CTNNA1: variants seen among roughly 807,000 people sequenced by gnomAD.
The protein encoded by CTNNA1 is catenin alpha 1.
In CTNNA1, 37 loss-of-function variants were observed where a neutral mutation model predicts 98.4. The observed-to-expected ratio is 0.38, with a 90% CI of 0.29 to 0.49. The LOEUF is 0.49. CTNNA1 is among the 20% of genes least tolerant of loss of function. The probability of loss-of-function intolerance (pLI) is 0.95; values close to 1 mark genes in which losing one functional copy is unlikely to be tolerated. For synonymous variants in CTNNA1, 404 were observed against 413.2 expected (o/e 0.98, Z 0.27); for missense variants, 761 against 1,147.2 (o/e 0.66, Z 4.86).
intron 1 of CTNNA1, among the ~76,000 whole-genome samples, chr5:138,776,738 G>C (rs565835221): frequency 4.8e-5 from 7 of 146,118 alleles, no homozygotes; most frequent in African/African-American, 1.8e-4. Context: ...TCACTTCCCA[G>C]TAGGGGCGGC....
chr5:138,908,012 C>G (rs1419152847), intron 10 of CTNNA1, among the ~76,000 whole-genome samples: 1 of 151,784 alleles, frequency 6.6e-6, no homozygotes, highest in Non-Finnish European at 1.5e-5. Context: ...GAGTCTCGCT[C>G]TGTCACCCAG....
At chr5:138,893,544 C>G (rs1296577454) in intron 9 of CTNNA1, among the ~76,000 whole-genome samples, 1 of 151,204 alleles carries the variant, frequency 6.6e-6, no homozygotes, top group East Asian at 1.9e-4. Context: ...AATAAAATAT[C>G]TTTTCTCCTT....
chr5:138,933,676 C>T (rs1765931035), intron 17 of CTNNA1, 126 bp from the exon 18 acceptor site: 1 of 964,032 alleles, frequency 1.0e-6, no homozygotes, highest in African/African-American at 1.7e-5. Context: ...CTGCCCAATC[C>T]TCTGCGACCT....
At chr5:138,772,980 T>C (rs559789265) in intron 1 of CTNNA1, among the ~76,000 whole-genome samples, 1 of 152,250 alleles carries the variant, frequency 6.6e-6, no homozygotes, top group Non-Finnish European at 1.5e-5. Context: ...ATTTTATAGA[T>C]GATAAAACCA....
At chr5:138,904,599 T>A (rs1372175080) in intron 10 of CTNNA1, 158 bp downstream of exon 10, 1 of 1,000,760 alleles carries the variant, frequency 1.0e-6, no homozygotes, top group Non-Finnish European at 1.4e-6. Context: ...TTTGGAATAT[T>A]TTTTGTTTAA....
intron 7 of CTNNA1, among the ~76,000 whole-genome samples, chr5:138,830,260 G>T (rs1051701585): frequency 6.6e-6 from 1 of 152,116 alleles, no homozygotes; most frequent in African/African-American, 2.4e-5. Flanking sequence ...TACTCGGGAG[G>T]CTGAGGCAGG....
chr5:138,852,866 C>T (rs200622095), intron 7 of CTNNA1, among the ~76,000 whole-genome samples: 4 of 151,366 alleles, frequency 2.6e-5, no homozygotes, highest in African/African-American at 9.8e-5. Context: ...TTTTCGCGCG[C>T]GCGCGCACAC....
At chr5:138,793,971 T>A (rs747556409) in intron 3 of CTNNA1, among the ~76,000 whole-genome samples, 23 of 151,974 alleles carry the variant, frequency 1.5e-4, no homozygotes, top group Admixed American at 4.6e-4. Context: ...GGGCTTATAG[T>A]ATTTAAATAA....
At chr5:138,894,287 T>C (rs1756239889) in intron 9 of CTNNA1, among the ~76,000 whole-genome samples, 1 of 149,690 alleles carries the variant, frequency 6.7e-6, no homozygotes, top group African/African-American at 2.4e-5. Flanking sequence ...TTCTCTTTTT[T>C]TTTTTTTTTT....
chr5:138,820,249 G>A (rs1759896337), intron 5 of CTNNA1, among the ~76,000 whole-genome samples: 2 of 152,060 alleles, frequency 1.3e-5, no homozygotes, highest in South Asian at 4.2e-4. Flanking sequence ...GGTTGTGATA[G>A]TTTGGTGGTG....
intron 1 of CTNNA1, among the ~76,000 whole-genome samples, chr5:138,780,609 C>T (rs1186950426): frequency 6.7e-6 from 1 of 149,054 alleles, no homozygotes; most frequent in East Asian, 2.0e-4. Context: ...CCTCTGCCTC[C>T]CGGGTTCAAG....
chr5:138,933,603 G>A (rs1765905931), intron 17 of CTNNA1, among the ~76,000 whole-genome samples, 199 bp from the exon 18 acceptor site: 1 of 152,166 alleles, frequency 6.6e-6, no homozygotes, highest in African/African-American at 2.4e-5. Context: ...GGGTCTGAGG[G>A]CAGGCGCTTC....
At chr5:138,796,407 G>A (rs563797291) in intron 3 of CTNNA1, among the ~76,000 whole-genome samples, 122 of 152,274 alleles carry the variant, frequency 8.0e-4, no homozygotes, top group Middle Eastern at 6.8e-3. Flanking sequence ...AGCCAGGCGC[G>A]GTGGCGGGCA....
At chr5:138,813,946 G>A (rs1759129056) in intron 5 of CTNNA1, among the ~76,000 whole-genome samples, 2 of 152,122 alleles carry the variant, frequency 1.3e-5, no homozygotes, top group Admixed American at 1.3e-4. Context: ...ATATATGACA[G>A]CTTCTTTTCT....
rs948096183 is a variant in CTNNA1 at position 138,880,772 on chromosome 5, A to G, written c.1063-5440A>G. The G allele has an allele frequency of 1.7e-5, 5 of 298,388 alleles. No homozygotes were observed. The East Asian group carries it at 2.4e-4, about 15-fold the overall frequency. The allele number at this position is 298,388 out of a possible 1,614,324, so 18.5% of individuals were successfully genotyped here. A position where few individuals can be genotyped will look rare whatever the true frequency, so the allele number is the denominator to read the frequency against. ...TCATACTTACTTGAAGAATCGTTCA[A>G]TTTTAGTGGACTCTCTGACCCAGTT... is the stretch of plus-strand genomic sequence containing the variant. On this transcript the variant is annotated intron_variant, in intron 7 of 17. Transcript: ENST00000302763.
chr5:138,878,427 G>T (rs1349549253), intron 7 of CTNNA1, among the ~76,000 whole-genome samples: 1 of 152,088 alleles, frequency 6.6e-6, no homozygotes, highest in Non-Finnish European at 1.5e-5. Context: ...GCTTTTTTCC[G>T]CAAACATATG....
intron 9 of CTNNA1, among the ~76,000 whole-genome samples, chr5:138,890,535 C>T (rs549673285): frequency 5.9e-5 from 9 of 152,262 alleles, no homozygotes; most frequent in South Asian, 2.1e-4. Context: ...TGAGGAGACA[C>T]ATAGGATGGA....
chr5:138,774,116 CA>C (rs1489059983), intron 1 of CTNNA1, among the ~76,000 whole-genome samples: 1 of 152,182 alleles, frequency 6.6e-6, no homozygotes, highest in Non-Finnish European at 1.5e-5. Flanking sequence ...ATCCCGACCT[CA>C]GGTGATCTGC....
chr5:138,896,952 A>C (rs191214875), intron 9 of CTNNA1, among the ~76,000 whole-genome samples: 2 of 152,222 alleles, frequency 1.3e-5, no homozygotes, highest in East Asian at 3.9e-4. Flanking sequence ...GCCAAAGAGC[A>C]TTGTTTTACC....
Sources: allele counts gnomAD v4.1 joint callset (sites outside exome capture counted in the v4.1 genomes callset), GRCh38; gene constraint gnomAD v4.1.1; transcripts MANE v1.5; gene names NCBI Gene and HGNC (gene_info 2026-07-23, HGNC 2026-07-21).